KPNA7: variants seen among roughly 807,000 people sequenced by gnomAD.
The protein encoded by KPNA7 is importin subunit alpha-8.
In KPNA7, 54 loss-of-function variants were observed where a neutral mutation model predicts 53.7. The ratio of observed to expected loss-of-function variants is 1.01; its 90% CI spans 0.81 to 1.26. The LOEUF is 1.26. Ranked by LOEUF, KPNA7 falls within the 50% of genes most tolerant of loss-of-function variation. KPNA7 has a pLI of 0.00. For missense variants in KPNA7, 640 were observed against 644.5 expected, an observed-to-expected ratio of 0.99 and a Z score of 0.07; for synonymous variants, 276 against 259.3, an observed-to-expected ratio of 1.06 and a Z score of -0.62.
Position 99,193,078 on chromosome 7 carries a change from T to C in KPNA7, c.577A>G (p.Asn193Asp). ...GGGATGGCATTGCTTGTGATGACGT[T>C]ATCTCTGAACTCTGGGCCATCACCT... is the stretch of plus-strand genomic sequence containing the variant. ...IAGDGPEFRDNVITSNAIPHL... is the reference protein window; with the variant it reads ...IAGDGPEFRDDVITSNAIPHL... Residue 193 changes from asparagine to aspartate, a missense_variant, in exon 6 of 11, where the codon AAC (asparagine) becomes GAC (aspartate). Physicochemically the swap from Asn to Asp is conservative, Grantham distance 23. Transcript: ENST00000327442. 6.6e-7 allele frequency: 1 copy of C among 1,506,708 alleles called. No individual in the cohort carries two copies. The highest frequency in any genetic ancestry group is 1.3e-5 in the South Asian group (1 of 74,576). 93.3% of individuals were successfully genotyped at this position (1,506,708 alleles called of 1,614,324 possible). A position where few individuals can be genotyped will look rare whatever the true frequency, so the allele number is the denominator to read the frequency against.
chr7:99,150,421 C>CACTTTTTTTT, the KPNA7 span, among the ~76,000 whole-genome samples: 1 of 14,894 alleles, frequency 6.7e-5, no homozygotes, highest in African/African-American at 1.5e-4. Context: ...AATCATTCTT[C>CACTTTTTTTT]TCTTTTTTTT....
At chr7:99,214,609 CAA>C (rs1162795351) in intron 1 of KPNA7, among the ~76,000 whole-genome samples, 2 of 97,912 alleles carry the variant, frequency 2.0e-5, no homozygotes, top group Non-Finnish European at 4.1e-5. Context: ...GCCTGGATAA[CAA>C]AGAGAGACCC....
At chr7:99,176,316 AGAAAG>A (rs1563063779) in intron 10 of KPNA7, among the ~76,000 whole-genome samples, 13 of 71,750 alleles carry the variant, frequency 1.8e-4, no homozygotes, top group Non-Finnish European at 2.3e-4. Context: ...AAAAAAAGAA[AGAAAG>A]AAAGAAAGAA....
chr7:99,215,641 A>G (rs1357995381), intron 1 of KPNA7, among the ~76,000 whole-genome samples: 2 of 151,942 alleles, frequency 1.3e-5, no homozygotes, highest in African/African-American at 4.8e-5. Context: ...TTCCCTTCAC[A>G]TGGCTGTTGG....
Position 99,179,608 on chromosome 7 carries a change from A to C in KPNA7, c.1318-1542T>G, listed in dbSNP as rs369452024. Among the ~76,000 whole-genome samples, 6 of 151,936 alleles carry C rather than the reference A, an allele frequency of 3.9e-5. No homozygotes were observed. The East Asian group carries it at 9.6e-4, about 24-fold the overall frequency. Reference sequence around the variant, plus strand: ...TATATTTTTATTTATTTTTAGAGACAGACTCTTGCTCTGTTGCCCAAGCTG... The same window carrying C: ...TATATTTTTATTTATTTTTAGAGACCGACTCTTGCTCTGTTGCCCAAGCTG... On this transcript the variant is annotated intron_variant, in intron 9 of 10. Coordinates refer to ENST00000327442, the MANE Select transcript of KPNA7 (RefSeq NM_001145715.3).
At chr7:99,154,655 T>C in the KPNA7 span, among the ~76,000 whole-genome samples, 2 of 151,972 alleles carry the variant, frequency 1.3e-5, no homozygotes, top group Non-Finnish European at 2.9e-5. Flanking sequence ...CCTGAGTAGC[T>C]GGGATTACAG....
rs1584320186 is a variant in KPNA7, at chr7:99,208,064, C to T, written c.-60G>A. On this transcript the variant is annotated 5_prime_UTR_variant, in exon 1 of 11. The change abolishes an upstream ATG in the 5' untranslated region. Coordinates refer to ENST00000327442, the MANE Select transcript of KPNA7 (RefSeq NM_001145715.3). ...AACAACAGTCTGGACTTCTCAGCTCCATGTCCTATTTCTGCAAGACCTGCT... is the reference window on the plus strand; with the variant it reads ...AACAACAGTCTGGACTTCTCAGCTCTATGTCCTATTTCTGCAAGACCTGCT... Among the ~76,000 whole-genome samples the T allele has an allele frequency of 6.6e-6, 1 of 152,228 alleles. No homozygotes were observed. Among genetic ancestry groups the T allele is most frequent in the South Asian group, 2.1e-4 (1 of 4,822 alleles).
intron 2 of KPNA7, among the ~76,000 whole-genome samples, chr7:99,204,798 G>C (rs1161323854): frequency 6.6e-6 from 1 of 152,152 alleles, no homozygotes; most frequent in Non-Finnish European, 1.5e-5. Context: ...AGAGGCTGCA[G>C]TGAACTATGA....
chr7:99,181,061 G>GTCTCTC lies in KPNA7; in HGVS notation c.1317+816_1317+821dup, dbSNP rs71537228. On this transcript the variant is annotated intron_variant, in intron 9 of 10. Coordinates refer to ENST00000327442, the MANE Select transcript of KPNA7 (RefSeq NM_001145715.3). ...TGTCTCTCTCTCTCTCTCCGTCTGTGTCTCTCTCTCCATCTGTGTCTCTCT... is the reference window on the plus strand; with the variant it reads ...TGTCTCTCTCTCTCTCTCCGTCTGTGTCTCTCTCTCTCTCTCCATCTGTGTCTCTCT... Among the ~76,000 whole-genome samples, 28 of 4,326 alleles carry GTCTCTC rather than the reference G, an allele frequency of 6.5e-3. 12 individuals are homozygous for GTCTCTC. The highest frequency in any genetic ancestry group is 0.14 in the Middle Eastern group (2 of 14). 2.8% of individuals were successfully genotyped at this position (4,326 alleles called of 152,430 possible). A position where few individuals can be genotyped will look rare whatever the true frequency, so the allele number is the denominator to read the frequency against.
the KPNA7 span, among the ~76,000 whole-genome samples, chr7:99,157,451 C>T: frequency 0.012 from 1,783 of 152,260 alleles, 34 homozygotes; most frequent in African/African-American, 0.041. Context: ...TCAGGTGATC[C>T]ACCTGCCTTG....
the KPNA7 span, among the ~76,000 whole-genome samples, chr7:99,160,037 T>G: frequency 2.1e-5 from 3 of 145,620 alleles, no homozygotes; most frequent in Non-Finnish European, 4.5e-5. Flanking sequence ...TTTTTTTTTT[T>G]TTTTTGAGAC....
In KPNA7 at chr7:99,173,680, T is replaced by G; in HGVS notation, c.*28A>C. The G allele has an allele frequency of 1.4e-6, 2 of 1,404,316 alleles. No homozygotes were observed. The highest frequency in any genetic ancestry group is 2.0e-6 in the Non-Finnish European group (2 of 1,013,780). The allele number at this position is 1,404,316 out of a possible 1,614,324, so 87.0% of individuals were successfully genotyped here. ...AAAGAAGTTATCCTTTAGCACTGGG[T>G]TGTTGGTTTAGGAGGTAGGGAGCTT... On this transcript the variant is annotated 3_prime_UTR_variant, in exon 11 of 11. Transcript: ENST00000327442.
the KPNA7 span, among the ~76,000 whole-genome samples, chr7:99,151,070 G>A: frequency 1.6e-4 from 24 of 152,256 alleles, no homozygotes; most frequent in African/African-American, 4.3e-4. Flanking sequence ...ACGGCATCCG[G>A]TTTGTGTGAG....
downstream of KPNA7, among the ~76,000 whole-genome samples, chr7:99,171,858 G>A (rs924915074): frequency 3.8e-4 from 58 of 152,212 alleles, no homozygotes; most frequent in African/African-American, 1.3e-3. Context: ...GGTAAAAGCC[G>A]ATCCCAGGAC....
Position 99,181,875 on chromosome 7 carries a change from C to T in KPNA7, c.1317+8G>A, listed in dbSNP as rs1270637079. ...TATTTACAAACCAACCTGTTCAGAA[C>T]GGCTCACCTGGAGGATGCAAGAGAT... On this transcript the variant is annotated splice_region_variant and intron_variant, in intron 9 of 10. Coordinates refer to ENST00000327442, the MANE Select transcript of KPNA7 (RefSeq NM_001145715.3). 13 of 1,531,964 alleles carry T rather than the reference C, an allele frequency of 8.5e-6. No individual in the cohort carries two copies. The highest frequency in any genetic ancestry group is 1.1e-5 in the Non-Finnish European group (13 of 1,133,244). The allele number at this position is 1,531,964 out of a possible 1,614,324, so 94.9% of individuals were successfully genotyped here.
At chr7:99,200,780 A>G (rs754517208) in intron 3 of KPNA7, among the ~76,000 whole-genome samples, 1 of 152,186 alleles carries the variant, frequency 6.6e-6, no homozygotes, top group Non-Finnish European at 1.5e-5. Flanking sequence ...GTTCGAGACC[A>G]GCCTGAACAA....
the KPNA7 span, among the ~76,000 whole-genome samples, chr7:99,148,000 G>T: frequency 6.7e-6 from 1 of 148,162 alleles, no homozygotes; most frequent in East Asian, 2.0e-4. Context: ...CTAGATCACA[G>T]AATGAGACCC....
At chr7:99,181,763 C>T in intron 9 of KPNA7, 120 bp downstream of exon 9, 2 of 853,914 alleles carry the variant, frequency 2.3e-6, no homozygotes, top group Non-Finnish European at 1.7e-6. Context: ...AATTCCTGAC[C>T]TCAGGTGATC....
At chr7:99,184,875 C>G in intron 8 of KPNA7, 54 bp downstream of exon 8, 1 of 1,446,802 alleles carries the variant, frequency 6.9e-7, no homozygotes, top group Admixed American at 2.0e-5. Flanking sequence ...AGGAGTTCAA[C>G]CCAGGGCTAT....
Sources: allele counts gnomAD v4.1 joint callset (sites outside exome capture counted in the v4.1 genomes callset), GRCh38; gene constraint gnomAD v4.1.1; transcripts MANE v1.5; gene names NCBI Gene and HGNC (gene_info 2026-07-23, HGNC 2026-07-21).